Variants in HPS3 observed in about 807,000 individuals in gnomAD.
HPS3 encodes the protein HPS3 biogenesis of lysosomal organelles complex 2 subunit 1, also known as BLOC-2 complex member HPS3.
In HPS3, 79 loss-of-function variants were observed where a neutral mutation model predicts 110.9. That is an observed-to-expected ratio of 0.71 (90% CI 0.59 to 0.86). The LOEUF is 0.86. HPS3 is among the 40% of genes least tolerant of loss of function. The probability of loss-of-function intolerance (pLI) is 0.00; values close to 1 mark genes in which losing one functional copy is unlikely to be tolerated. For synonymous variants in HPS3, 428 were observed against 451.0 expected, an observed-to-expected ratio of 0.95 and a Z score of 0.65; for missense variants, 1,197 against 1,206.2, an observed-to-expected ratio of 0.99 and a Z score of 0.11.
At chr3:149,134,362 ATG>A (rs746902154) in intron 1 of HPS3, among the ~76,000 whole-genome samples, 2 of 151,564 alleles carry the variant, frequency 1.3e-5, no homozygotes, top group African/African-American at 4.9e-5. Flanking sequence ...CAACTTTTAT[ATG>A]TGTGTGTGTG....
chr3:149,161,205 TTTATC>T (rs1193849448), intron 11 of HPS3, among the ~76,000 whole-genome samples: 26 of 152,200 alleles, frequency 1.7e-4, no homozygotes, highest in African/African-American at 5.8e-4. Context: ...AAAAATGAAT[TTTATC>T]TTCATAATTT....
At chr3:149,151,586 C>CT (rs1302166653) in intron 6 of HPS3, among the ~76,000 whole-genome samples, 12 of 33,850 alleles carry the variant, frequency 3.5e-4, no homozygotes, top group African/African-American at 1.5e-3. Context: ...TGCTTGGTTT[C>CT]TAAAAAAAAA....
At chr3:149,159,313 A>C (rs898864060) in intron 10 of HPS3, among the ~76,000 whole-genome samples, 7 of 152,208 alleles carry the variant, frequency 4.6e-5, no homozygotes, top group African/African-American at 1.7e-4. Context: ...CTGTAATTCC[A>C]ACACTTTGGG....
At chr3:149,158,912 T>A in intron 10 of HPS3, 66 bp downstream of exon 10, 1 of 1,112,118 alleles carries the variant, frequency 9.0e-7, no homozygotes, top group Non-Finnish European at 1.3e-6. Context: ...TTATTTTATG[T>A]AGTACTGTTT....
At chr3:149,145,321 A>G (rs776988796) in intron 4 of HPS3, 33 bp from the exon 5 acceptor site, 3 of 1,486,026 alleles carry the variant, frequency 2.0e-6, no homozygotes, top group Non-Finnish European at 2.8e-6. Flanking sequence ...TACTGGTTTC[A>G]TGGTGTTTTA....
At chr3:149,159,210 T>C (rs558050884) in intron 10 of HPS3, among the ~76,000 whole-genome samples, 1 of 152,296 alleles carries the variant, frequency 6.6e-6, no homozygotes, top group East Asian at 1.9e-4. Flanking sequence ...ACTCCTTGTG[T>C]CCTAAACTTC....
Position 149,162,706 on chromosome 3 carries a change from A to T in HPS3, c.2309A>T (p.Asp770Val), listed in dbSNP as rs1723996326. 1 of 1,613,976 alleles carries T rather than the reference A, an allele frequency of 6.2e-7. No homozygotes were observed. The change falls in exon 13 of 17, where the codon GAT (aspartate) becomes GTT (valine). Residue 770 changes from aspartate (D) to valine (V), a missense_variant. Transcript: ENST00000296051. ...GTTTTTAAGGTGCTTTGTGCTAAGGATGAAGATACAATTCCTCAGCTCTTG... is the reference window on the plus strand; with the variant it reads ...GTTTTTAAGGTGCTTTGTGCTAAGGTTGAAGATACAATTCCTCAGCTCTTG... ...DSFFKVLCAK[D>V]EDTIPQLLVD...
chr3:149,162,633 C>A, intron 12 of HPS3, 57 bp from the exon 13 acceptor site: 1 of 1,548,630 alleles, frequency 6.5e-7, no homozygotes, highest in South Asian at 1.1e-5. Context: ...GCCCAGCTGT[C>A]GCTTTATCAG....
rs1323585737 is a variant in HPS3, at chr3:149,155,122, C to T, written c.1416C>T (p.Thr472=). Residue 472 remains threonine (T), a synonymous_variant, in exon 8 of 17, where the codon ACC becomes ACT. Transcript: ENST00000296051. ...TTGCTTTTAGTTCGAGAAAAGATAC[C>T]AGTGTTAAAATCAAAATACCTCCTG... ...SPKRLLSRKD[T]SVKIKIPPVA... 3 of 1,594,774 alleles carry T rather than the reference C, an allele frequency of 1.9e-6. No individual in the cohort carries two copies. Among genetic ancestry groups the T allele is most frequent in the Non-Finnish European group, 2.6e-6 (3 of 1,162,784 alleles).
chr3:149,131,135 AAAAAAC>A (rs1721744482), intron 1 of HPS3, among the ~76,000 whole-genome samples: 1 of 93,484 alleles, frequency 1.1e-5, no homozygotes, highest in Non-Finnish European at 2.8e-5. Context: ...AAAAAAAAAA[AAAAAAC>A]AAAAAGTTGA....
Position 149,140,084 on chromosome 3 carries a change from G to T in HPS3, c.298G>T (p.Glu100Ter). Residue 100 changes from glutamate (E) to a stop codon, truncating the protein, a stop_gained, in exon 2 of 17, where the codon GAA becomes TAA. Coordinates refer to ENST00000296051, the MANE Select transcript of HPS3 (RefSeq NM_032383.5). LOFTEE classifies it high-confidence loss of function. ...TGTGAACTGGAGAAATAAAAGGACTGAAAACTCTCGTGTGTGTATCCGAAT... is the reference window on the plus strand; with the variant it reads ...TGTGAACTGGAGAAATAAAAGGACTTAAAACTCTCGTGTGTGTATCCGAAT... ...AYVNWRNKRT[E>*]NSRVCIRMIG... 1 of 1,612,846 alleles carries T rather than the reference G, an allele frequency of 6.2e-7. No individual in the cohort carries two copies. Among genetic ancestry groups the T allele is most frequent in the South Asian group, 1.1e-5 (1 of 90,800 alleles).
chr3:149,170,508 T>C (rs1227912051), intron 16 of HPS3: 1 of 152,232 alleles, frequency 6.6e-6, no homozygotes, highest in Non-Finnish European at 1.5e-5. Flanking sequence ...TAGCAGACAG[T>C]ACCACTACAT....
intron 7 of HPS3, chr3:149,153,979 G>T (rs1469230157): frequency 1.4e-5 from 4 of 282,286 alleles, no homozygotes; most frequent in Non-Finnish European, 2.0e-5. Flanking sequence ...ACTTTTTACT[G>T]TCTTTCTTCT....
At position 149,158,857 on chromosome 3, in the gene HPS3, T is replaced by G. The variant is rs1357440844; in HGVS notation, c.1872+11T>G. ...GAAGAATTAAATGAAGTGATTATAG[T>G]TTTCTGTTTTCTATCTAATATTTTT... On this transcript the variant is annotated intron_variant, in intron 10 of 16. Transcript: ENST00000296051. 4 of 1,515,568 alleles carry G rather than the reference T, an allele frequency of 2.6e-6. No individual in the cohort carries two copies. The South Asian group carries it at 4.5e-5, about 17-fold the overall frequency. The allele number at this position is 1,515,568 out of a possible 1,614,324, so 93.9% of individuals were successfully genotyped here. A position where few individuals can be genotyped will look rare whatever the true frequency, so the allele number is the denominator to read the frequency against.
chr3:149,134,097 A>G (rs996774407), intron 1 of HPS3, among the ~76,000 whole-genome samples: 3 of 152,148 alleles, frequency 2.0e-5, no homozygotes, highest in East Asian at 1.9e-4. Flanking sequence ...CTCTGCTGTC[A>G]TTGGTTTTTT....
Position 149,140,091 on chromosome 3 carries a change from C to G in HPS3, c.305C>G (p.Ser102Cys). 2 of 1,613,150 alleles carry G rather than the reference C, an allele frequency of 1.2e-6. No homozygotes were observed. The highest frequency in any genetic ancestry group is 1.1e-5 in the South Asian group (1 of 90,902). The change falls in exon 2 of 17, where the codon TCT becomes TGT. Residue 102 changes from serine to cysteine, a missense_variant. By Grantham distance (112) the Ser-to-Cys change is moderately radical. Transcript: ENST00000296051. Reference protein sequence around the residue: ...VNWRNKRTENSRVCIRMIGHN... With the variant: ...VNWRNKRTENCRVCIRMIGHN... Reference sequence around the variant, plus strand: ...TGGAGAAATAAAAGGACTGAAAACTCTCGTGTGTGTATCCGAATGATTGGG... The same window carrying G: ...TGGAGAAATAAAAGGACTGAAAACTGTCGTGTGTGTATCCGAATGATTGGG...
Position 149,162,478 on chromosome 3 carries a change from A to G in HPS3, c.2292+145A>G, listed in dbSNP as rs532818793. 5.6e-6 allele frequency: 5 copies of G among 886,988 alleles called. No homozygotes were observed. In the South Asian group the frequency reaches 7.2e-5, roughly 13 times the overall value. The allele number at this position is 886,988 out of a possible 1,614,324, so 54.9% of individuals were successfully genotyped here. A position where few individuals can be genotyped will look rare whatever the true frequency, so the allele number is the denominator to read the frequency against. On this transcript the variant is annotated intron_variant, in intron 12 of 16. Coordinates refer to ENST00000296051, the MANE Select transcript of HPS3 (RefSeq NM_032383.5). ...AATCAGTTTATAAGATAAAAGTACT[A>G]ATTAAAAGACTATATCTGTAGAAAC...
chr3:149,147,604 G>C (rs1300608954), intron 5 of HPS3, among the ~76,000 whole-genome samples: 2 of 152,148 alleles, frequency 1.3e-5, no homozygotes, highest in African/African-American at 2.4e-5. Flanking sequence ...TGAGAATTTA[G>C]TGAGTGGACC....
chr3:149,159,656 G>A (rs1723668646), intron 10 of HPS3, among the ~76,000 whole-genome samples: 1 of 151,898 alleles, frequency 6.6e-6, no homozygotes, highest in African/African-American at 2.4e-5. Flanking sequence ...AATGTTTTAA[G>A]GTTTTGAAAT....
Sources: gnomAD v4.1 joint callset for allele counts (sites outside exome capture counted in the v4.1 genomes callset) on GRCh38, gnomAD v4.1.1 for gene constraint, MANE v1.5 for transcripts, NCBI Gene and HGNC (gene_info 2026-07-23, HGNC 2026-07-21) for gene names.